GLI3: variants seen among roughly 807,000 people sequenced by gnomAD.
GLI3 encodes GLI family zinc finger 3, also known as transcription activator GLI3.
In GLI3, 20 loss-of-function variants were observed where a neutral mutation model predicts 100.8. The ratio of observed to expected loss-of-function variants is 0.20; its 90% CI spans 0.14 to 0.29. The LOEUF (loss-of-function observed/expected upper bound fraction) is 0.29. GLI3 is among the 10% of genes least tolerant of loss of function. The probability of loss-of-function intolerance (pLI) is 1.00; values close to 1 mark genes in which losing one functional copy is unlikely to be tolerated. For missense variants in GLI3, 2,040 were observed against 2,128.5 expected, an observed-to-expected ratio of 0.96 and a Z score of 0.82; for synonymous variants, 938 against 860.5, an observed-to-expected ratio of 1.09 and a Z score of -1.58.
At chr7:42,209,185 C>G (rs994710513) in intron 2 of GLI3, among the ~76,000 whole-genome samples, 2 of 152,154 alleles carry the variant, frequency 1.3e-5, no homozygotes, top group African/African-American at 4.8e-5. Context: ...TCCCAAGTAG[C>G]TGGTACTACA....
chr7:42,182,660 A>ATATATATATATATGTG (rs1554337057), intron 2 of GLI3, among the ~76,000 whole-genome samples: 1 of 59,138 alleles, frequency 1.7e-5, no homozygotes, highest in Non-Finnish European at 3.3e-5. Flanking sequence ...ATATATATAT[A>ATATATATATATATGTG]TATATATATA....
chr7:41,965,323 C>A lies in GLI3; in HGVS notation c.3750G>T (p.Lys1250Asn). 6.2e-7 allele frequency: 1 copy of A among 1,613,940 alleles called. No individual in the cohort carries two copies. The highest frequency in any genetic ancestry group is 1.1e-5 in the South Asian group (1 of 91,068). The change falls in exon 15 of 15, where the codon AAG (lysine) becomes AAT (asparagine). Residue 1250 changes from lysine (K) to asparagine (N), a missense_variant. Physicochemically the swap from Lys to Asn is moderately conservative, Grantham distance 94. Transcript: ENST00000395925. The part of the protein sequence containing the change: ...SGNAFHEQPC[K>N]APQYGNCLNR... ...TGAGACAGTTCCCATACTGCGGGGC[C>A]TTACAGGGCTGTTCATGGAAGGCGT...
chr7:41,981,283 G>A (rs1366767770), intron 10 of GLI3, among the ~76,000 whole-genome samples: 1 of 152,218 alleles, frequency 6.6e-6, no homozygotes, highest in East Asian at 1.9e-4. Flanking sequence ...CATGACGTAG[G>A]TAAGCTTGGG....
intron 1 of GLI3, among the ~76,000 whole-genome samples, chr7:42,226,905 G>T (rs1490705028): frequency 6.6e-6 from 1 of 152,166 alleles, no homozygotes; most frequent in Non-Finnish European, 1.5e-5. Flanking sequence ...CAGGAGCTTG[G>T]AAAGTCACTC....
At chr7:42,072,337 T>A (rs1038006917) in intron 4 of GLI3, among the ~76,000 whole-genome samples, 7 of 152,206 alleles carry the variant, frequency 4.6e-5, no homozygotes, top group South Asian at 2.1e-4. Flanking sequence ...ACATAAGGGC[T>A]ACATTTCTTT....
chr7:42,194,338 C>G (rs998339837), intron 2 of GLI3, among the ~76,000 whole-genome samples: 2 of 152,204 alleles, frequency 1.3e-5, no homozygotes, highest in Admixed American at 1.3e-4. Flanking sequence ...TAGGAAGAGT[C>G]ACCATATTCT....
At chr7:42,207,032 T>C (rs1435600570) in intron 2 of GLI3, among the ~76,000 whole-genome samples, 1 of 152,062 alleles carries the variant, frequency 6.6e-6, no homozygotes, top group Non-Finnish European at 1.5e-5. Context: ...AGGGCTACAG[T>C]GAAAAATACA....
chr7:42,207,934 G>A (rs1788187545), intron 2 of GLI3, among the ~76,000 whole-genome samples: 1 of 152,178 alleles, frequency 6.6e-6, no homozygotes, highest in East Asian at 1.9e-4. Flanking sequence ...AAGGTGGGTA[G>A]AACACCCAAA....
chr7:42,148,556 T>A, intron 2 of GLI3, 88 bp from the exon 3 acceptor site: 2 of 1,219,688 alleles, frequency 1.6e-6, no homozygotes, highest in Non-Finnish European at 2.4e-6. Flanking sequence ...ATTCTCGATA[T>A]CCCTCTCCCG....
Position 41,965,487 on chromosome 7 carries a change from C to A in GLI3, c.3586G>T (p.Gly1196Cys). 1 of 1,609,154 alleles carries A rather than the reference C, an allele frequency of 6.2e-7. No homozygotes were observed. The highest frequency in any genetic ancestry group is 1.1e-5 in the South Asian group (1 of 91,014). Residue 1196 changes from glycine to cysteine, a missense_variant, in exon 15 of 15, where the codon GGC becomes TGC. This residue lies in a region of GLI3 where 1,041 missense variants were observed against 924.0 expected (regional missense o/e 1.13). Coordinates refer to ENST00000395925, the MANE Select transcript of GLI3 (RefSeq NM_000168.6). ...PQTRAFGFCN[G>C]MVVHPQNPLR... Reference sequence around the variant, plus strand: ...GGGTTCTGCGGGTGGACGACCATGCCGTTGCAGAACCCAAAGGCGCGAGTC... The same window carrying A: ...GGGTTCTGCGGGTGGACGACCATGCAGTTGCAGAACCCAAAGGCGCGAGTC...
At chr7:42,243,666 A>G (rs1332339997) in intron 1 of GLI3, among the ~76,000 whole-genome samples, 1 of 152,238 alleles carries the variant, frequency 6.6e-6, no homozygotes, top group East Asian at 1.9e-4. Flanking sequence ...GTAGATGCCA[A>G]GGAAAGCAAG....
intron 4 of GLI3, among the ~76,000 whole-genome samples, chr7:42,068,744 T>C (rs1403571650): frequency 6.6e-6 from 1 of 152,120 alleles, no homozygotes; most frequent in Non-Finnish European, 1.5e-5. Flanking sequence ...GGAAATGGCA[T>C]GTCTTTGTTT....
chr7:42,089,593 G>A (rs1221444970), intron 3 of GLI3, among the ~76,000 whole-genome samples: 1 of 152,186 alleles, frequency 6.6e-6, no homozygotes, highest in Non-Finnish European at 1.5e-5. Flanking sequence ...AATGATGCAT[G>A]CTGCAACCCT....
chr7:42,088,844 T>G (rs1389753449), intron 3 of GLI3, among the ~76,000 whole-genome samples: 7 of 152,190 alleles, frequency 4.6e-5, no homozygotes, highest in Non-Finnish European at 1.0e-4. Flanking sequence ...CCACTGGCTG[T>G]CTGCTGCCTG....
chr7:42,011,288 T>C (rs770117168), intron 10 of GLI3, among the ~76,000 whole-genome samples: 7 of 152,072 alleles, frequency 4.6e-5, no homozygotes, highest in Non-Finnish European at 8.8e-5. Context: ...GGAAGCAGAA[T>C]GAAGTTAAAG....
chr7:42,071,083 T>C (rs1784775106), intron 4 of GLI3, among the ~76,000 whole-genome samples: 2 of 152,142 alleles, frequency 1.3e-5, no homozygotes, highest in Non-Finnish European at 2.9e-5. Context: ...TTATCATCAT[T>C]AAAAATAATA....
At chr7:42,238,278 C>T (rs1788875158), upstream of GLI3, among the ~76,000 whole-genome samples, 2 of 152,064 alleles carry the variant, frequency 1.3e-5, no homozygotes, top group Non-Finnish European at 2.9e-5. Flanking sequence ...CTTCTCCCAC[C>T]CAGCCTCTCT....
At chr7:42,153,265 G>C (rs1225315097) in intron 2 of GLI3, among the ~76,000 whole-genome samples, 1 of 152,176 alleles carries the variant, frequency 6.6e-6, no homozygotes, top group Non-Finnish European at 1.5e-5. Flanking sequence ...TCCCTGATCA[G>C]AGCTTACGTC....
At chr7:42,060,422 G>A (rs1311461794) in intron 4 of GLI3, among the ~76,000 whole-genome samples, 2 of 152,064 alleles carry the variant, frequency 1.3e-5, no homozygotes, top group African/African-American at 2.4e-5. Flanking sequence ...ATTTACCTTA[G>A]TTAAGATGAT....
Sources: gnomAD v4.1 joint callset for allele counts (sites outside exome capture counted in the v4.1 genomes callset) on GRCh38, gnomAD v4.1.1 for gene constraint, gnomAD v4.1.1 regional missense constraint, MANE v1.5 for transcripts, NCBI Gene and HGNC (gene_info 2026-07-23, HGNC 2026-07-21) for gene names.